Variants in COMMD1 observed in about 807,000 individuals in gnomAD.
The protein encoded by COMMD1 is copper metabolism domain containing 1.
Under a neutral mutation model 17.2 loss-of-function variants are expected in COMMD1, and 10 were observed. That is an observed-to-expected ratio of 0.58 (90% CI 0.36 to 0.99). COMMD1 has a LOEUF of 0.99. Ranked by LOEUF, COMMD1 falls within the 50% of genes least tolerant of loss-of-function variation. COMMD1 has a pLI of 0.01. For synonymous variants in COMMD1, 97 were observed against 91.6 expected, an observed-to-expected ratio of 1.06 and a Z score of -0.34; for missense variants, 270 against 231.8, an observed-to-expected ratio of 1.17 and a Z score of -1.07.
chr2:62,041,837 G>C (rs1020780514), intron 2 of COMMD1, among the ~76,000 whole-genome samples: 3 of 152,232 alleles, frequency 2.0e-5, no homozygotes, highest in Admixed American at 6.5e-5. Flanking sequence ...GGCTTCAGGA[G>C]TCAAGCTGCA....
At chr2:62,005,864 T>G (rs1287860328) in intron 2 of COMMD1, among the ~76,000 whole-genome samples, 2 of 151,396 alleles carry the variant, frequency 1.3e-5, no homozygotes, top group Non-Finnish European at 3.0e-5. Flanking sequence ...CAAAGGACTA[T>G]AAATCATGCT....
Position 62,041,222 on chromosome 2 carries a change from C to T in COMMD1, c.462+40240C>T, listed in dbSNP as rs899396268. ...AGACTGGAACTTCTTTAATTCGTGG[C>T]TTTAGTTTATTTTAAATTAATCCAT... On this transcript the variant is annotated intron_variant, in intron 2 of 2. Coordinates refer to ENST00000311832, the MANE Select transcript of COMMD1 (RefSeq NM_152516.4). Among the ~76,000 whole-genome samples, 9 of 151,988 alleles carry T rather than the reference C, an allele frequency of 5.9e-5. No homozygotes were observed. The South Asian group carries it at 6.2e-4, about 11-fold the overall frequency.
intron 2 of COMMD1, among the ~76,000 whole-genome samples, chr2:62,098,381 G>A (rs1373527944): frequency 6.6e-6 from 1 of 151,850 alleles, no homozygotes; most frequent in Non-Finnish European, 1.5e-5. Flanking sequence ...AAAATGCTGG[G>A]ATTACAGGTG....
At chr2:62,067,772 G>A (rs754055851) in intron 2 of COMMD1, among the ~76,000 whole-genome samples, 3 of 152,022 alleles carry the variant, frequency 2.0e-5, no homozygotes, top group Non-Finnish European at 4.4e-5. Flanking sequence ...TTGCATATAG[G>A]GCAGGACACC....
intron 1 of COMMD1, among the ~76,000 whole-genome samples, chr2:61,895,898 C>T (rs1473672900): frequency 6.6e-6 from 1 of 151,980 alleles, no homozygotes; most frequent in Admixed American, 6.6e-5. Flanking sequence ...CAGTCCAGTC[C>T]ACCCATGGAC....
At chr2:62,014,801 A>G (rs1669389998) in intron 2 of COMMD1, among the ~76,000 whole-genome samples, 1 of 151,760 alleles carries the variant, frequency 6.6e-6, no homozygotes, top group Non-Finnish European at 1.5e-5. Flanking sequence ...TCCTGACCTC[A>G]TGATCCACCC....
intron 1 of COMMD1, among the ~76,000 whole-genome samples, chr2:61,944,555 A>G (rs1670856625): frequency 6.6e-6 from 1 of 152,184 alleles, no homozygotes. Context: ...ACCAGCTAAG[A>G]CCACTTCCTG....
intron 1 of COMMD1, among the ~76,000 whole-genome samples, chr2:61,949,216 A>G (rs1370972702): frequency 6.6e-6 from 1 of 152,152 alleles, no homozygotes; most frequent in Non-Finnish European, 1.5e-5. Flanking sequence ...GGCAGAGCAT[A>G]TAGTCAGCAG....
intron 1 of COMMD1, among the ~76,000 whole-genome samples, chr2:61,968,574 G>A (rs557957224): frequency 6.6e-6 from 1 of 152,118 alleles, no homozygotes; most frequent in African/African-American, 2.4e-5. Flanking sequence ...ATGGAGGGGA[G>A]GGAGGGAGGG....
Position 62,135,936 on chromosome 2 carries a change from A to T in COMMD1, c.568A>T (p.Asn190Tyr). 1 of 1,533,744 alleles carries T rather than the reference A, an allele frequency of 6.5e-7. No individual in the cohort carries two copies. Among genetic ancestry groups the T allele is most frequent in the Non-Finnish European group, 9.0e-7 (1 of 1,106,550 alleles). The change falls in exon 3 of 3, where the codon AAC (asparagine) becomes TAC (tyrosine). Residue 190 changes from asparagine to tyrosine, a missense_variant. Transcript: ENST00000311832. ...ESISTLISQPN is the reference protein window; with the variant it reads ...ESISTLISQPY Reference sequence around the variant, plus strand: ...TATCAGCACACTGATCAGCCAGCCTAACTGAAGATGATGTATGAAGGAGTT... The same window carrying T: ...TATCAGCACACTGATCAGCCAGCCTTACTGAAGATGATGTATGAAGGAGTT...
chr2:62,080,816 A>G (rs1364875025), intron 2 of COMMD1, among the ~76,000 whole-genome samples: 1 of 147,724 alleles, frequency 6.8e-6, no homozygotes, highest in African/African-American at 2.5e-5. Flanking sequence ...AAAATTGGCT[A>G]TATTATATAT....
chr2:61,951,916 C>G (rs1425368610), intron 1 of COMMD1, among the ~76,000 whole-genome samples: 1 of 152,224 alleles, frequency 6.6e-6, no homozygotes, highest in Non-Finnish European at 1.5e-5. Context: ...TAGCTACCTT[C>G]ACTCAGCATA....
chr2:62,079,779 T>C (rs183276793), intron 2 of COMMD1: 1 of 152,180 alleles, frequency 6.6e-6, no homozygotes, highest in Non-Finnish European at 1.5e-5. Flanking sequence ...ACAACATCTT[T>C]CCAAGCTCAA....
At chr2:62,015,492 A>C (rs1669414179) in intron 2 of COMMD1, among the ~76,000 whole-genome samples, 1 of 152,190 alleles carries the variant, frequency 6.6e-6, no homozygotes, top group African/African-American at 2.4e-5. Flanking sequence ...ATGGGTATAC[A>C]AATATCTATT....
intron 2 of COMMD1, among the ~76,000 whole-genome samples, chr2:62,127,261 T>C (rs1048989031): frequency 2.0e-5 from 3 of 152,160 alleles, no homozygotes; most frequent in Non-Finnish European, 4.4e-5. Context: ...TCCATGCTCA[T>C]GGATAGGAAG....
chr2:61,925,427 C>T (rs1339083107), intron 1 of COMMD1, among the ~76,000 whole-genome samples: 2 of 152,050 alleles, frequency 1.3e-5, no homozygotes, highest in Non-Finnish European at 2.9e-5. Flanking sequence ...GGTATGGCTG[C>T]ATCCCGGGGT....
At chr2:62,035,967 T>A (rs67168447) in intron 2 of COMMD1, among the ~76,000 whole-genome samples, 15,554 of 151,870 alleles carry the variant, frequency 0.1, 901 homozygotes, top group Non-Finnish European at 0.13. Context: ...GGTGGGAGGA[T>A]GTCTGGATCC....
chr2:61,927,678 G>A (rs1399639270), intron 1 of COMMD1, among the ~76,000 whole-genome samples: 1 of 152,134 alleles, frequency 6.6e-6, no homozygotes, highest in African/African-American at 2.4e-5. Flanking sequence ...GATTACAGGC[G>A]TGAGCCACCG....
Position 62,131,594 on chromosome 2 carries a change from G to A in COMMD1, c.463-4237G>A, listed in dbSNP as rs1376530518. ...GTCTTACTCTATTGCCAAGGCTAGA[G>A]TCCAGTGGCATGATCTTGGCTCACT... On this transcript the variant is annotated intron_variant, in intron 2 of 2. Coordinates refer to ENST00000311832, the MANE Select transcript of COMMD1 (RefSeq NM_152516.4). Among the ~76,000 whole-genome samples, 9 of 151,952 alleles carry A rather than the reference G, an allele frequency of 5.9e-5. No homozygotes were observed. In the East Asian group the frequency reaches 1.7e-3, roughly 29 times the overall value.
Sources: allele counts gnomAD v4.1 joint callset (sites outside exome capture counted in the v4.1 genomes callset), GRCh38; gene constraint gnomAD v4.1.1; transcripts MANE v1.5; gene names NCBI Gene and HGNC (gene_info 2026-07-23, HGNC 2026-07-21).